The following PTPRB variants were observed in gnomAD, a reference collection of about 807,000 sequenced individuals.
The protein encoded by PTPRB is receptor-type tyrosine-protein phosphatase beta.
In PTPRB, 97 loss-of-function variants were observed where a neutral mutation model predicts 238.1. The observed-to-expected ratio is 0.41, with a 90% CI of 0.35 to 0.48. The LOEUF (loss-of-function observed/expected upper bound fraction) is 0.48. Ranked by LOEUF, PTPRB falls within the 20% of genes least tolerant of loss-of-function variation. The pLI, the probability that PTPRB is intolerant of heterozygous loss-of-function variation, is 0.30. For synonymous variants in PTPRB, 970 were observed against 995.4 expected, an observed-to-expected ratio of 0.97 and a Z score of 0.48; for missense variants, 2,292 against 2,681.9, an observed-to-expected ratio of 0.85 and a Z score of 3.21.
intron 3 of PTPRB, among the ~76,000 whole-genome samples, chr12:70,620,569 T>A (rs948150216): frequency 2.0e-5 from 3 of 152,228 alleles, no homozygotes; most frequent in African/African-American, 7.2e-5. Context: ...TAAAATCTCT[T>A]GTAAACTGAT....
At chr12:70,602,718 G>A (rs1295450820) in intron 4 of PTPRB, among the ~76,000 whole-genome samples, 2 of 152,268 alleles carry the variant, frequency 1.3e-5, no homozygotes, top group East Asian at 3.9e-4. Context: ...GGTAATTATT[G>A]AAGGAAGGTG....
In PTPRB at chr12:70,538,996, G is replaced by C; in HGVS notation, c.5797C>G (p.Arg1933Gly). Residue 1933 changes from arginine (R) to glycine (G), a missense_variant, in exon 27 of 34, where the codon CGA becomes GGA. This residue lies in a region of PTPRB where 397 missense variants were observed against 502.0 expected (regional missense o/e 0.79). Transcript: ENST00000334414. The stretch of plus-strand genomic sequence containing the variant: ...AGTGCAATGTCACATGACTGGTTTC[G>C]GCCCACGTCTTTTAACTCCTGTTAG... ...KEYEELKDVG[R>G]NQSCDIALLP... 1.2e-6 allele frequency: 2 copies of C among 1,613,618 alleles called. No individual in the cohort carries two copies. Among genetic ancestry groups the C allele is most frequent in the Non-Finnish European group, 1.7e-6 (2 of 1,179,766 alleles).
chr12:70,528,463 C>CATTA (rs754035494), intron 32 of PTPRB, among the ~76,000 whole-genome samples: 2 of 151,802 alleles, frequency 1.3e-5, no homozygotes, highest in Non-Finnish European at 2.9e-5. Flanking sequence ...GGAGGCTACT[C>CATTA]ATTAGCAGGG....
rs142539488 is a variant in PTPRB at position 70,555,022 on chromosome 12, A to G, written c.5143+138T>C. On this transcript the variant is annotated intron_variant, in intron 20 of 33. Transcript: ENST00000334414. ...CTTTTTCTTACATCTCCCTGTATCC[A>G]GCAGAGAGAGGGGTGAATGATACAA... 219 of 951,044 alleles carry G rather than the reference A, an allele frequency of 2.3e-4. No homozygotes were observed. The African/African-American group carries it at 3.5e-3, about 15-fold the overall frequency. The allele number at this position is 951,044 out of a possible 1,614,324, so 58.9% of individuals were successfully genotyped here.
intron 10 of PTPRB, among the ~76,000 whole-genome samples, chr12:70,577,955 T>C (rs988179877): frequency 2.0e-5 from 3 of 152,210 alleles, no homozygotes; most frequent in Non-Finnish European, 4.4e-5. Context: ...CAACCATCTA[T>C]ACATCCTTTA....
chr12:70,634,005 T>C (rs1007477723), intron 2 of PTPRB, among the ~76,000 whole-genome samples: 1 of 152,176 alleles, frequency 6.6e-6, no homozygotes, highest in African/African-American at 2.4e-5. Context: ...ATTGTACAAA[T>C]TGGTGCTATA....
rs751198662 is a variant in PTPRB at position 70,552,994 on chromosome 12, G to T, written c.5170C>A (p.Gln1724Lys). 3 of 1,613,812 alleles carry T rather than the reference G, an allele frequency of 1.9e-6. No individual in the cohort carries two copies. The highest frequency in any genetic ancestry group is 1.7e-5 in the Admixed American group (1 of 60,008). ...DGSDELKPEQ[Q>K]HPLPSYLEYR... ...TCCAGGTAGGAAGGGAGAGGGTGCT[G>T]CTGTTCTGGCTTCAGCTCATCACTG... Residue 1724 changes from glutamine (Q) to lysine (K), a missense_variant, in exon 21 of 34, where the codon CAG becomes AAG. Coordinates refer to ENST00000334414, the MANE Select transcript of PTPRB (RefSeq NM_001109754.4).
In PTPRB at chr12:70,521,569, G is replaced by A. The variant is rs547897515; in HGVS notation, c.6626-58C>T. On this transcript the variant is annotated intron_variant, in intron 33 of 33. Coordinates refer to ENST00000334414, the MANE Select transcript of PTPRB (RefSeq NM_001109754.4). The stretch of plus-strand genomic sequence containing the variant: ...CGCAGGGTGTGTCATAATTGTTTAC[G>A]CTGTTTATGAAAATTACCAATGTGA... 1.1e-4 allele frequency: 149 copies of A among 1,396,876 alleles called. 2 individuals carry two copies. In the South Asian group the frequency reaches 1.6e-3, roughly 15 times the overall value. The allele number at this position is 1,396,876 out of a possible 1,614,324, so 86.5% of individuals were successfully genotyped here.
At chr12:70,567,372 C>T (rs11609605) in intron 14 of PTPRB, among the ~76,000 whole-genome samples, 35,181 of 152,082 alleles carry the variant, frequency 0.23, 4,761 homozygotes, top group African/African-American at 0.38. Context: ...CCTGAATGTA[C>T]CACAGACATC....
intron 2 of PTPRB, among the ~76,000 whole-genome samples, chr12:70,628,796 A>G (rs1885317660): frequency 6.6e-6 from 1 of 152,040 alleles, no homozygotes; most frequent in Non-Finnish European, 1.5e-5. Context: ...AACTCCTGGC[A>G]TCAAGCAATT....
Position 70,596,048 on chromosome 12 carries a change from C to T in PTPRB, c.1258+1G>A. 1 of 1,591,724 alleles carries T rather than the reference C, an allele frequency of 6.3e-7. No homozygotes were observed. The highest frequency in any genetic ancestry group is 8.6e-7 in the Non-Finnish European group (1 of 1,166,024). On this transcript the variant is annotated splice_donor_variant, in intron 5 of 33. Transcript: ENST00000334414. LOFTEE classifies it high-confidence loss of function. ...TCAGCTATAAAATAAACAGGTCTTA[C>T]CTGTTGATCCATTGGTATAAACTGA...
chr12:70,536,230 C>T, intron 28 of PTPRB, 71 bp from the exon 29 acceptor site: 1 of 1,506,908 alleles, frequency 6.6e-7, no homozygotes, highest in Non-Finnish European at 9.0e-7. Flanking sequence ...AAGAGTTCTT[C>T]AGATTAGATG....
intron 32 of PTPRB, among the ~76,000 whole-genome samples, chr12:70,524,903 G>GTA (rs377513288): frequency 7.4e-6 from 1 of 134,460 alleles, no homozygotes; most frequent in African/African-American, 2.6e-5. Context: ...GTGTATATAT[G>GTA]TGTATATATG....
chr12:70,540,215 G>A (rs1565917150), intron 23 of PTPRB, 193 bp from the exon 24 acceptor site: 1 of 506,578 alleles, frequency 2.0e-6, no homozygotes, highest in East Asian at 3.0e-5. Context: ...CCCAGAAACG[G>A]ATCTCTGCAA....
At chr12:70,636,918 C>T (rs1885724872) in intron 1 of PTPRB, among the ~76,000 whole-genome samples, 1 of 152,196 alleles carries the variant, frequency 6.6e-6, no homozygotes, top group South Asian at 2.1e-4. Context: ...CAAATGACAA[C>T]TTCCAAATAA....
chr12:70,562,691 G>A (rs1878648108), intron 16 of PTPRB, among the ~76,000 whole-genome samples, 153 bp downstream of exon 16: 4 of 152,096 alleles, frequency 2.6e-5, no homozygotes, highest in Admixed American at 2.6e-4. Flanking sequence ...TATAATCAAA[G>A]GTGCGATTTA....
intron 4 of PTPRB, among the ~76,000 whole-genome samples, chr12:70,604,242 A>G (rs74909474): frequency 0.029 from 4,404 of 152,260 alleles, 96 homozygotes; most frequent in Non-Finnish European, 0.042. Context: ...TCCTGTCTGA[A>G]AAAAATTAAA....
intron 21 of PTPRB, among the ~76,000 whole-genome samples, 187 bp from the exon 22 acceptor site, chr12:70,544,850 C>T (rs1319339134): frequency 6.6e-6 from 1 of 152,032 alleles, no homozygotes; most frequent in Non-Finnish European, 1.5e-5. Context: ...TTTATTGAGC[C>T]CCTGCCACAC....
intron 15 of PTPRB, 127 bp from the exon 16 acceptor site, chr12:70,563,234 T>C (rs1878749186): frequency 2.8e-5 from 28 of 1,010,654 alleles, no homozygotes; most frequent in South Asian, 3.4e-5. Flanking sequence ...ACAGTAACAA[T>C]AGGAAAAGCC....
Sources: allele counts gnomAD v4.1 joint callset (sites outside exome capture counted in the v4.1 genomes callset), GRCh38; gene constraint gnomAD v4.1.1; regional missense constraint gnomAD v4.1.1; transcripts MANE v1.5; gene names NCBI Gene and HGNC (gene_info 2026-07-23, HGNC 2026-07-21).